Variants in MGAT4C observed in about 807,000 individuals in gnomAD.
MGAT4C encodes the protein MGAT4 family member C.
A neutral mutation model predicts 40.1 loss-of-function variants in MGAT4C; 19 were observed. That is an observed-to-expected ratio of 0.47 (90% CI 0.33 to 0.70). MGAT4C has a LOEUF of 0.70. MGAT4C is among the 30% of genes least tolerant of loss of function. The pLI is 0.02. For missense variants in MGAT4C, 491 were observed against 563.2 expected, an observed-to-expected ratio of 0.87 and a Z score of 1.30; for synonymous variants, 181 against 187.1, an observed-to-expected ratio of 0.97 and a Z score of 0.27.
intron 2 of MGAT4C, among the ~76,000 whole-genome samples, chr12:86,468,161 C>T (rs1957708310): frequency 6.6e-6 from 1 of 151,984 alleles, no homozygotes; most frequent in African/African-American, 2.4e-5. Context: ...AAATAAAACT[C>T]CTCATTCTTT....
chr12:86,134,445 G>C (rs1278135637), intron 1 of MGAT4C, among the ~76,000 whole-genome samples: 1 of 151,956 alleles, frequency 6.6e-6, no homozygotes, highest in African/African-American at 2.4e-5. Context: ...TTTTTGATAT[G>C]GTGTGGTTTT....
rs1400060377 is a variant in MGAT4C at position 86,503,761 on chromosome 12, CATATATATATATATAGAGTTCTGCTCAT to C, written c.-228-68524_-228-68497del. On this transcript the variant is annotated intron_variant, in intron 2 of 7. Transcript: ENST00000548651. ...CATATATATATATATGAGTTCTGCT[CATATATATATATATAGAGTTCTGCTCAT>C]ATATATATATATATATATATATATG... 1.9e-3 allele frequency among the ~76,000 whole-genome samples: 95 copies of C among 51,186 alleles called. 5 individuals carry two copies. The highest frequency in any genetic ancestry group is 3.0e-3 in the Non-Finnish European group (86 of 28,866). 33.6% of individuals were successfully genotyped at this position (51,186 alleles called of 152,430 possible).
In MGAT4C at chr12:85,966,988, A is replaced by G. The variant is rs1883400278; in HGVS notation, c.*12301T>C. 6.6e-6 allele frequency: 1 copy of G among 152,144 alleles called. No homozygotes were observed. The highest frequency in any genetic ancestry group is 1.5e-5 in the Non-Finnish European group (1 of 68,002). The allele number at this position is 152,144 out of a possible 1,614,324, so 9.4% of individuals were successfully genotyped here. A position where few individuals can be genotyped will look rare whatever the true frequency, so the allele number is the denominator to read the frequency against. The stretch of plus-strand genomic sequence containing the variant: ...TGCAGCACACCAACATGGCACAGGT[A>G]TACATATGTAACAAACCTGCAAGTT... On this transcript the variant is annotated 3_prime_UTR_variant, in exon 5 of 5. Transcript: ENST00000611864.
intron 3 of MGAT4C, among the ~76,000 whole-genome samples, chr12:86,364,567 C>A (rs73389329): frequency 6.6e-6 from 1 of 152,096 alleles, no homozygotes; most frequent in Non-Finnish European, 1.5e-5. Flanking sequence ...CTCTCCCTAT[C>A]GGGGGAAATT....
At chr12:86,143,705 T>C (rs1883159311) in intron 1 of MGAT4C, among the ~76,000 whole-genome samples, 1 of 152,134 alleles carries the variant, frequency 6.6e-6, no homozygotes, top group African/African-American at 2.4e-5. Flanking sequence ...GATATTCCGA[T>C]AAAACACAGA....
In MGAT4C at chr12:86,431,905, T is replaced by A. The variant is rs112008645; in HGVS notation, c.-120+3252A>T. ...GGTTGTGCTGTAAGATTGCTGATAT[T>A]TTAAGTAATTATAGAAATAAAGACT... On this transcript the variant is annotated intron_variant, in intron 3 of 7. Transcript: ENST00000548651. Among the ~76,000 whole-genome samples, 720 of 152,162 alleles carry A rather than the reference T, an allele frequency of 4.7e-3. 3 individuals are homozygous for A. Among genetic ancestry groups the A allele is most frequent in the African/African-American group, 0.017 (691 of 41,520 alleles).
chr12:86,413,853 G>C (rs1034006710), intron 3 of MGAT4C, among the ~76,000 whole-genome samples: 3 of 152,110 alleles, frequency 2.0e-5, no homozygotes, highest in African/African-American at 7.2e-5. Flanking sequence ...TGGGAGTTTG[G>C]ACATGTTAGT....
At chr12:86,313,981 C>T (rs1954138397) in intron 4 of MGAT4C, among the ~76,000 whole-genome samples, 1 of 152,142 alleles carries the variant, frequency 6.6e-6, no homozygotes, top group Admixed American at 6.5e-5. Flanking sequence ...ATTACTTCTG[C>T]TTCAATGAAT....
chr12:86,620,866 C>G (rs1257718075), intron 2 of MGAT4C, among the ~76,000 whole-genome samples: 1 of 152,112 alleles, frequency 6.6e-6, no homozygotes, highest in Non-Finnish European at 1.5e-5. Context: ...TTCTCTCTCT[C>G]TTCCTCCTGC....
intron 3 of MGAT4C, among the ~76,000 whole-genome samples, chr12:86,374,377 CTT>C (rs1441992854): frequency 2.0e-5 from 3 of 152,062 alleles, no homozygotes; most frequent in Admixed American, 6.6e-5. Flanking sequence ...ACTCAAGTGA[CTT>C]TTATTTTTTG....
chr12:86,441,351 T>A, intron 2 of MGAT4C, among the ~76,000 whole-genome samples: 1 of 151,054 alleles, frequency 6.6e-6, no homozygotes, highest in Non-Finnish European at 1.5e-5. Context: ...TTTTTATTAT[T>A]ATTATTATTA....
At chr12:86,688,524 C>T (rs1305297888) in intron 2 of MGAT4C, among the ~76,000 whole-genome samples, 4 of 152,090 alleles carry the variant, frequency 2.6e-5, no homozygotes, top group Non-Finnish European at 4.4e-5. Context: ...TTCAGGAGAT[C>T]CTGTAAGCTA....
At chr12:86,443,139 T>A (rs1957263160) in intron 2 of MGAT4C, among the ~76,000 whole-genome samples, 1 of 152,126 alleles carries the variant, frequency 6.6e-6, no homozygotes, top group Non-Finnish European at 1.5e-5. Context: ...GGAACCAAAC[T>A]TGCAATATGT....
At chr12:86,334,726 C>T (rs992821423) in intron 3 of MGAT4C, among the ~76,000 whole-genome samples, 9 of 151,968 alleles carry the variant, frequency 5.9e-5, no homozygotes, top group African/African-American at 2.2e-4. Context: ...CATTAAACAC[C>T]ATTCAAAATA....
chr12:86,224,817 T>C (rs1461446028), intron 1 of MGAT4C, among the ~76,000 whole-genome samples: 2 of 152,194 alleles, frequency 1.3e-5, no homozygotes, highest in African/African-American at 2.4e-5. Flanking sequence ...TATAGCAATA[T>C]ATTCCTACAT....
intron 2 of MGAT4C, among the ~76,000 whole-genome samples, chr12:86,533,330 C>T (rs1201809986): frequency 6.6e-6 from 1 of 151,956 alleles, no homozygotes; most frequent in Non-Finnish European, 1.5e-5. Context: ...TTTCAAACAA[C>T]TTTCTACTGA....
intron 3 of MGAT4C, among the ~76,000 whole-genome samples, chr12:86,419,643 A>G (rs1279375204): frequency 6.6e-6 from 1 of 152,164 alleles, no homozygotes; most frequent in Non-Finnish European, 1.5e-5. Flanking sequence ...AAAATAGAGC[A>G]ATGGATAGTA....
intron 1 of MGAT4C, among the ~76,000 whole-genome samples, chr12:86,820,674 T>C (rs1316138457): frequency 6.6e-6 from 1 of 150,832 alleles, no homozygotes; most frequent in East Asian, 1.9e-4. Flanking sequence ...GATACATAGA[T>C]TTTTCAAAGG....
At chr12:86,585,568 A>G (rs1960983879) in intron 2 of MGAT4C, among the ~76,000 whole-genome samples, 1 of 151,414 alleles carries the variant, frequency 6.6e-6, no homozygotes, top group Non-Finnish European at 1.5e-5. Flanking sequence ...TGACATATTA[A>G]TAATTTAATG....
Sources: gnomAD v4.1 joint callset for allele counts (sites outside exome capture counted in the v4.1 genomes callset) on GRCh38, gnomAD v4.1.1 for gene constraint, MANE v1.5 for transcripts, NCBI Gene and HGNC (gene_info 2026-07-23, HGNC 2026-07-21) for gene names.